CAPS2: variants seen among roughly 807,000 people sequenced by gnomAD.
The protein encoded by CAPS2 is calcyphosin-2.
A neutral mutation model predicts 86.5 loss-of-function variants in CAPS2; 98 were observed. The observed-to-expected ratio is 1.13, with a 90% CI of 0.96 to 1.34. CAPS2 has a LOEUF of 1.34. Among genes scored for constraint, CAPS2 ranks in the 40% most tolerant of loss-of-function variants. The pLI is 0.00. For missense variants in CAPS2, 729 were observed against 686.8 expected (o/e 1.06, Z -0.69); for synonymous variants, 210 against 225.1 (o/e 0.93, Z 0.60).
chr12:75,276,688 T>C, downstream of CAPS2: 2 of 810,704 alleles, frequency 2.5e-6, no homozygotes, highest in South Asian at 1.2e-4. Flanking sequence ...ATTTTTAAAA[T>C]ATAAAAACAG....
chr12:75,280,440 T>G (rs2138000733), intron 16 of CAPS2, among the ~76,000 whole-genome samples: 1 of 151,852 alleles, frequency 6.6e-6, no homozygotes, highest in Middle Eastern at 3.4e-3. Context: ...ATGGAATTTT[T>G]GAAACCAAAA....
intron 1 of CAPS2, among the ~76,000 whole-genome samples, chr12:75,355,067 T>C (rs1225595271): frequency 2.6e-5 from 4 of 152,152 alleles, no homozygotes; most frequent in Non-Finnish European, 5.9e-5. Flanking sequence ...GACATAGGCA[T>C]GGGCAAACGT....
chr12:75,287,155 A>G lies in CAPS2; in HGVS notation c.1396-2075T>C, dbSNP rs189485502. ...TCCATAGGACCAGTTCATAATTCCC[A>G]TTGCCCTTCCTTGTTCTTGTTACAA... is the stretch of plus-strand genomic sequence containing the variant. On this transcript the variant is annotated intron_variant, in intron 14 of 16. Transcript: ENST00000393284. 1.3e-4 allele frequency among the ~76,000 whole-genome samples: 19 copies of G among 151,632 alleles called. No individual in the cohort carries two copies. In the East Asian group the frequency reaches 3.7e-3, roughly 29 times the overall value.
chr12:75,390,216 G>T, intron 1 of CAPS2: 1 of 406,026 alleles, frequency 2.5e-6, no homozygotes, highest in Non-Finnish European at 4.9e-6. Context: ...GTTTTGTTTT[G>T]TTTTTGAGGA....
downstream of CAPS2, chr12:75,276,904 T>A (rs1049109031): frequency 2.6e-5 from 26 of 984,338 alleles, no homozygotes; most frequent in African/African-American, 4.5e-4. Context: ...AAGCATAGGA[T>A]TTCAAAAGTC....
intron 11 of CAPS2, 22 bp from the exon 12 acceptor site, chr12:75,293,389 T>A: frequency 3.5e-6 from 5 of 1,437,118 alleles, no homozygotes; most frequent in Non-Finnish European, 3.9e-6. Flanking sequence ...AACAGATGAA[T>A]GAAGCTAGAA....
At chr12:75,312,565 T>A (rs1367735788) in intron 7 of CAPS2, among the ~76,000 whole-genome samples, 1 of 152,080 alleles carries the variant, frequency 6.6e-6, no homozygotes, top group Non-Finnish European at 1.5e-5. Flanking sequence ...TTTCAATTTA[T>A]GTGTATTATT....
chr12:75,318,882 A>G (rs12579473), intron 5 of CAPS2, among the ~76,000 whole-genome samples: 35,468 of 151,986 alleles, frequency 0.23, 4,218 homozygotes, highest in Middle Eastern at 0.29. Context: ...GGTATTGCAT[A>G]AAGTTAAGCA....
intron 1 of CAPS2, chr12:75,360,076 G>A (rs554143494): frequency 6.6e-6 from 1 of 152,226 alleles, no homozygotes; most frequent in South Asian, 2.1e-4. Context: ...ACTATCATGA[G>A]AACAGCATGG....
chr12:75,338,433 G>A (rs532628275), intron 1 of CAPS2, among the ~76,000 whole-genome samples: 57 of 152,040 alleles, frequency 3.7e-4, no homozygotes, highest in Non-Finnish European at 7.5e-4. Context: ...TAGATTCAAT[G>A]AGAAAAATTA....
At position 75,302,981 on chromosome 12, in the gene CAPS2, G is replaced by A. The variant is rs140389174; in HGVS notation, c.779+1776C>T. ...CTATTTGGCTGCATCTTTCAAAGCT[G>A]AACATATGGATACTAAGTGGTCCAA... On this transcript the variant is annotated intron_variant, in intron 8 of 16. Transcript: ENST00000393284. Among the ~76,000 whole-genome samples the A allele has an allele frequency of 5.8e-4, 88 of 152,216 alleles. No homozygotes were observed. The East Asian group carries it at 0.016, about 28-fold the overall frequency.
chr12:75,312,377 T>A (rs900658353), intron 7 of CAPS2, among the ~76,000 whole-genome samples: 8 of 152,176 alleles, frequency 5.3e-5, no homozygotes, highest in Non-Finnish European at 1.0e-4. Flanking sequence ...TGATGTTACA[T>A]CTTTGCAGAG....
At chr12:75,307,207 T>C (rs2038611012) in intron 7 of CAPS2, among the ~76,000 whole-genome samples, 1 of 152,210 alleles carries the variant, frequency 6.6e-6, no homozygotes, top group African/African-American at 2.4e-5. Flanking sequence ...TATTGGTGTC[T>C]CCCACACAGA....
chr12:75,323,089 T>C lies in CAPS2; in HGVS notation c.178-2A>G. The C allele has an allele frequency of 6.5e-7, 1 of 1,536,152 alleles. No individual in the cohort carries two copies. Among genetic ancestry groups the C allele is most frequent in the East Asian group, 2.5e-5 (1 of 40,738 alleles). On this transcript the variant is annotated splice_acceptor_variant, in intron 3 of 16. Transcript: ENST00000393284. LOFTEE classifies it high-confidence loss of function. ...AAGTGGAATATATGAAAAATTGTCC[T>C]AAAAAATAAAGTTAATGATATTTCT...
chr12:75,329,594 A>C (rs999121131), upstream of CAPS2, among the ~76,000 whole-genome samples: 4 of 152,164 alleles, frequency 2.6e-5, no homozygotes, highest in Non-Finnish European at 4.4e-5. Context: ...AATGAAAAGC[A>C]AAAAATAAAC....
exon 17 of CAPS2, chr12:75,277,560 A>G: frequency 2.1e-6 from 2 of 947,628 alleles, no homozygotes; most frequent in Non-Finnish European, 2.5e-6. Flanking sequence ...TGAAAATAGC[A>G]CTAGAGGTTT....
intron 1 of CAPS2, among the ~76,000 whole-genome samples, chr12:75,353,820 T>C (rs2042967697): frequency 6.6e-6 from 1 of 152,204 alleles, no homozygotes; most frequent in Non-Finnish European, 1.5e-5. Context: ...ATCCCCAGGA[T>C]GCAAGTCTGG....
intron 1 of CAPS2, among the ~76,000 whole-genome samples, chr12:75,348,869 C>T (rs2042621404): frequency 6.6e-6 from 1 of 152,112 alleles, no homozygotes; most frequent in African/African-American, 2.4e-5. Flanking sequence ...GGGCCGTGAT[C>T]TCTGAAAAAT....
chr12:75,351,781 A>G (rs780462315), intron 1 of CAPS2, among the ~76,000 whole-genome samples: 15 of 152,182 alleles, frequency 9.9e-5, no homozygotes, highest in Non-Finnish European at 1.8e-4. Flanking sequence ...TCCTGACCTC[A>G]GGTGATCCAC....
Sources: allele counts gnomAD v4.1 joint callset (sites outside exome capture counted in the v4.1 genomes callset), GRCh38; gene constraint gnomAD v4.1.1; transcripts MANE v1.5; gene names NCBI Gene and HGNC (gene_info 2026-07-23, HGNC 2026-07-21).